The following SNX8 variants were observed in gnomAD, a reference collection of about 807,000 sequenced individuals.
SNX8 encodes sorting nexin 8.
SNX8 carries 25 observed loss-of-function variants against 51.6 expected under a neutral mutation model. The ratio of observed to expected loss-of-function variants is 0.48; its 90% CI spans 0.35 to 0.68. The LOEUF (loss-of-function observed/expected upper bound fraction) is 0.68, where lower values mean the gene tolerates loss of function less well. SNX8 is among the 30% of genes least tolerant of loss of function. SNX8 has a pLI of 0.00. For missense variants in SNX8, 695 were observed against 624.0 expected (o/e 1.11, Z -1.21); for synonymous variants, 324 against 277.0 (o/e 1.17, Z -1.68).
intron 1 of SNX8, among the ~76,000 whole-genome samples, chr7:2,332,979 G>A (rs1244566846): frequency 6.6e-6 from 1 of 152,102 alleles, no homozygotes; most frequent in East Asian, 1.9e-4. Flanking sequence ...GACTTCTAAA[G>A]CTGTAGTAAG....
intron 1 of SNX8, among the ~76,000 whole-genome samples, chr7:2,311,613 T>G (rs573757065): frequency 6.7e-4 from 102 of 152,244 alleles, no homozygotes; most frequent in Middle Eastern, 3.4e-3. Flanking sequence ...GGCAAATTAC[T>G]TACCTCTGGA....
At chr7:2,307,140 C>T (rs1184732369) in intron 1 of SNX8, among the ~76,000 whole-genome samples, 1 of 152,152 alleles carries the variant, frequency 6.6e-6, no homozygotes, top group African/African-American at 2.4e-5. Context: ...AAGGGCAGAC[C>T]AGATCCTCCC....
intron 7 of SNX8, among the ~76,000 whole-genome samples, chr7:2,261,251 G>T: frequency 6.6e-6 from 1 of 152,140 alleles, no homozygotes; most frequent in East Asian, 1.9e-4. Flanking sequence ...CGGCCAACAC[G>T]GTGAAACCCC....
chr7:2,339,837 G>T (rs572445704), intron 1 of SNX8, among the ~76,000 whole-genome samples: 9 of 152,144 alleles, frequency 5.9e-5, no homozygotes, highest in African/African-American at 2.2e-4. Context: ...TTTTTAAAAA[G>T]AACAGAATAG....
At position 2,269,525 on chromosome 7, in the gene SNX8, A is replaced by T. The variant is rs768077785; in HGVS notation, c.621+34T>A. ...GAATGATCAATAAAAAAATAAATTA[A>T]AAAAAAAAAAAAAGAAAAAAAAAAG... On this transcript the variant is annotated intron_variant, in intron 5 of 10. Coordinates refer to ENST00000222990, the MANE Select transcript of SNX8 (RefSeq NM_013321.4). The T allele has an allele frequency of 1.4e-4, 146 of 1,030,090 alleles. No individual in the cohort carries two copies. In the African/African-American group the frequency reaches 2.4e-3, roughly 17 times the overall value. The allele number at this position is 1,030,090 out of a possible 1,614,324, so 63.8% of individuals were successfully genotyped here. A position where few individuals can be genotyped will look rare whatever the true frequency, so the allele number is the denominator to read the frequency against.
chr7:2,256,751 A>G, intron 10 of SNX8, 123 bp downstream of exon 10: 4 of 917,804 alleles, frequency 4.4e-6, no homozygotes, highest in Admixed American at 2.9e-5. Context: ...GCCCATGCGG[A>G]GCCCAACTCC....
chr7:2,272,548 G>T (rs1795675065), intron 3 of SNX8, among the ~76,000 whole-genome samples: 1 of 151,602 alleles, frequency 6.6e-6, no homozygotes, highest in African/African-American at 2.4e-5. Flanking sequence ...GCTAATTTTT[G>T]TATTTTTAGT....
chr7:2,286,731 G>C (rs975803391), intron 1 of SNX8, among the ~76,000 whole-genome samples: 13 of 151,528 alleles, frequency 8.6e-5, no homozygotes, highest in Non-Finnish European at 1.9e-4. Context: ...TGTTAGCCAG[G>C]ATGGTCTCGA....
At chr7:2,308,071 G>A (rs893039011) in intron 1 of SNX8, 12 of 152,008 alleles carry the variant, frequency 7.9e-5, no homozygotes, top group South Asian at 2.1e-4. Flanking sequence ...GTGAGAGAGA[G>A]ACAGAGAGAG....
intron 5 of SNX8, among the ~76,000 whole-genome samples, chr7:2,268,714 G>A (rs1249313796): frequency 3.5e-4 from 7 of 20,118 alleles, no homozygotes; most frequent in Admixed American, 1.2e-3. Flanking sequence ...CGCCCCGTCC[G>A]GGAGGGAGGT....
At chr7:2,324,732 C>A (rs1193794010) in intron 1 of SNX8, among the ~76,000 whole-genome samples, 1 of 152,224 alleles carries the variant, frequency 6.6e-6, no homozygotes, top group Non-Finnish European at 1.5e-5. Flanking sequence ...GCCTAGGCTG[C>A]AAGACACCAT....
At chr7:2,268,625 C>G (rs1344916313) in intron 5 of SNX8, among the ~76,000 whole-genome samples, 2 of 118,544 alleles carry the variant, frequency 1.7e-5, no homozygotes, top group Admixed American at 7.9e-5. Context: ...GCCCAGCCAG[C>G]CGCCCCGTCT....
chr7:2,267,056 C>T (rs1795480975), intron 5 of SNX8, among the ~76,000 whole-genome samples: 1 of 152,218 alleles, frequency 6.6e-6, no homozygotes, highest in Non-Finnish European at 1.5e-5. Context: ...GCAACCCGGC[C>T]CTGCTGCTTA....
At position 2,264,472 on chromosome 7, in the gene SNX8, G is replaced by A. The variant is rs756365601; in HGVS notation, c.622-14C>T. 3 of 1,605,856 alleles carry A rather than the reference G, an allele frequency of 1.9e-6. No homozygotes were observed. In the East Asian group the frequency reaches 6.7e-5, roughly 36 times the overall value. On this transcript the variant is annotated splice_polypyrimidine_tract_variant and intron_variant, in intron 5 of 10. Transcript: ENST00000222990. ...TGGGAGGAAGTCCTGACATCATGAT[G>A]GGGGGAGAGACACTGTGTTAGTCGC...
At chr7:2,283,116 G>A (rs1232096169) in intron 1 of SNX8, among the ~76,000 whole-genome samples, 6 of 150,298 alleles carry the variant, frequency 4.0e-5, no homozygotes, top group Non-Finnish European at 8.9e-5. Context: ...ACCAGACTCC[G>A]TCTCAAAAAA....
intron 5 of SNX8, among the ~76,000 whole-genome samples, chr7:2,266,636 C>T (rs888442528): frequency 1.3e-5 from 2 of 152,170 alleles, no homozygotes; most frequent in Admixed American, 6.5e-5. Context: ...TAAGCCACCA[C>T]GCCCGGCCGG....
intron 1 of SNX8, among the ~76,000 whole-genome samples, chr7:2,327,546 T>C (rs1366484841): frequency 1.3e-5 from 2 of 152,114 alleles, no homozygotes; most frequent in African/African-American, 2.4e-5. Flanking sequence ...TCGCTGGGAC[T>C]ACATGTGCCC....
intron 1 of SNX8, among the ~76,000 whole-genome samples, chr7:2,292,627 G>T (rs1305752400): frequency 6.6e-6 from 1 of 152,074 alleles, no homozygotes; most frequent in Non-Finnish European, 1.5e-5. Context: ...TGGCCAGGAT[G>T]GTCTCAATCT....
intron 1 of SNX8, among the ~76,000 whole-genome samples, chr7:2,345,607 G>A (rs1420938473): frequency 6.6e-6 from 1 of 151,842 alleles, no homozygotes; most frequent in Non-Finnish European, 1.5e-5. Flanking sequence ...GAACCCAGGA[G>A]GTGGAGGATG....
Sources: gnomAD v4.1 joint callset for allele counts (sites outside exome capture counted in the v4.1 genomes callset) on GRCh38, gnomAD v4.1.1 for gene constraint, MANE v1.5 for transcripts, NCBI Gene and HGNC (gene_info 2026-07-23, HGNC 2026-07-21) for gene names.